PRMT3: variants seen among roughly 807,000 people sequenced by gnomAD.
The protein encoded by PRMT3 is protein arginine N-methyltransferase 3.
A neutral mutation model predicts 71.9 loss-of-function variants in PRMT3; 62 were observed. The observed-to-expected ratio is 0.86, with a 90% CI of 0.70 to 1.07. PRMT3 has a LOEUF of 1.07. PRMT3 is among the 50% of genes least tolerant of loss of function. The pLI, the probability that PRMT3 is intolerant of heterozygous loss-of-function variation, is 0.00. For synonymous variants in PRMT3, 213 were observed against 220.4 expected, an observed-to-expected ratio of 0.97 and a Z score of 0.30; for missense variants, 663 against 643.0, an observed-to-expected ratio of 1.03 and a Z score of -0.34.
At chr11:20,452,270 T>C in intron 11 of PRMT3, 62 bp downstream of exon 11, 1 of 1,326,718 alleles carries the variant, frequency 7.5e-7, no homozygotes, top group Non-Finnish European at 1.1e-6. Flanking sequence ...GATGAACCTT[T>C]GGATTTCAAA....
At chr11:20,440,489 CAAAAAAAAA>C (rs55801324) in intron 10 of PRMT3, among the ~76,000 whole-genome samples, 7 of 115,922 alleles carry the variant, frequency 6.0e-5, no homozygotes, top group East Asian at 2.5e-4. Context: ...ACTAAAAATA[CAAAAAAAAA>C]AAAAAAAAAA....
intron 7 of PRMT3, among the ~76,000 whole-genome samples, chr11:20,398,878 CA>C (rs1848890084): frequency 1.3e-5 from 2 of 152,174 alleles, no homozygotes; most frequent in African/African-American, 4.8e-5. Context: ...ACACATTTCT[CA>C]GAAGTATCCC....
chr11:20,437,383 AG>A (rs1849783064), intron 10 of PRMT3, among the ~76,000 whole-genome samples: 2 of 152,116 alleles, frequency 1.3e-5, no homozygotes, highest in East Asian at 1.9e-4. Context: ...CATCTGGTGG[AG>A]CAGTTGCCTT....
intron 15 of PRMT3, among the ~76,000 whole-genome samples, chr11:20,507,770 A>ACTGT (rs1851626696): frequency 1.7e-5 from 2 of 116,004 alleles, no homozygotes; most frequent in African/African-American, 6.2e-5. Flanking sequence ...ACAGAGAGAG[A>ACTGT]CTGTCTTAAA....
chr11:20,464,190 A>G (rs1167745239), intron 12 of PRMT3, among the ~76,000 whole-genome samples: 1 of 152,180 alleles, frequency 6.6e-6, no homozygotes, highest in Non-Finnish European at 1.5e-5. Context: ...GCACATTAGC[A>G]CTATGATTTG....
chr11:20,496,790 T>A (rs1293586790), intron 15 of PRMT3, among the ~76,000 whole-genome samples: 1 of 152,200 alleles, frequency 6.6e-6, no homozygotes, highest in African/African-American at 2.4e-5. Context: ...ATAGCTTCAG[T>A]TTCACTGTTG....
chr11:20,420,556 T>C (rs1219344800), intron 9 of PRMT3, among the ~76,000 whole-genome samples: 2 of 152,116 alleles, frequency 1.3e-5, no homozygotes, highest in East Asian at 1.9e-4. Flanking sequence ...CAGGCGCTAT[T>C]GTGAACTGCG....
intron 15 of PRMT3, among the ~76,000 whole-genome samples, chr11:20,505,227 C>T (rs1447486738): frequency 1.3e-5 from 2 of 152,132 alleles, no homozygotes; most frequent in East Asian, 3.8e-4. Context: ...CAAATGAAAA[C>T]TTTAATTCCC....
intron 9 of PRMT3, among the ~76,000 whole-genome samples, chr11:20,410,715 T>G (rs1204737489): frequency 6.6e-6 from 1 of 152,114 alleles, no homozygotes; most frequent in Non-Finnish European, 1.5e-5. Flanking sequence ...ATTAATAGTC[T>G]TTGTTTTTAA....
intron 9 of PRMT3, among the ~76,000 whole-genome samples, chr11:20,413,465 C>T (rs1158583687): frequency 6.6e-6 from 1 of 152,106 alleles, no homozygotes; most frequent in Non-Finnish European, 1.5e-5. Context: ...TTGATGGAGT[C>T]TTATCTCATA....
chr11:20,415,682 A>G (rs1565202570), intron 9 of PRMT3, among the ~76,000 whole-genome samples: 1 of 37,182 alleles, frequency 2.7e-5, no homozygotes, highest in South Asian at 1.0e-3. Flanking sequence ...TATTTCCACC[A>G]TGTTGACCAG....
At chr11:20,473,794 C>A (rs1186618083) in intron 13 of PRMT3, among the ~76,000 whole-genome samples, 1 of 151,916 alleles carries the variant, frequency 6.6e-6, no homozygotes, top group Non-Finnish European at 1.5e-5. Context: ...TGTGCCCTTG[C>A]TGGAGAGGTG....
intron 13 of PRMT3, among the ~76,000 whole-genome samples, chr11:20,480,473 G>A (rs193224540): frequency 2.1e-3 from 314 of 152,296 alleles, no homozygotes; most frequent in Non-Finnish European, 3.3e-3. Flanking sequence ...GGATGGCTGG[G>A]ACATGTAGAT....
At chr11:20,478,941 A>G (rs1270065973) in intron 13 of PRMT3, among the ~76,000 whole-genome samples, 1 of 152,230 alleles carries the variant, frequency 6.6e-6, no homozygotes, top group Non-Finnish European at 1.5e-5. Context: ...TACAAAGCTA[A>G]TCAGCTAACG....
At position 20,479,619 on chromosome 11, in the gene PRMT3, A is replaced by AT. The variant is rs537501858; in HGVS notation, c.1348-14299dup. Among the ~76,000 whole-genome samples, 4 of 152,296 alleles carry AT rather than the reference A, an allele frequency of 2.6e-5. No individual in the cohort carries two copies. The South Asian group carries it at 8.3e-4, about 32-fold the overall frequency. On this transcript the variant is annotated intron_variant, in intron 13 of 15. Transcript: ENST00000331079. Reference sequence around the variant, plus strand: ...AGATTAGGTGAAGTATGTGTGCCGAATATAGGTTTGTCAGAGGTTCTCTAA... The same window carrying AT: ...AGATTAGGTGAAGTATGTGTGCCGAATTATAGGTTTGTCAGAGGTTCTCTAA...
chr11:20,439,511 G>A (rs1565212881), intron 10 of PRMT3, among the ~76,000 whole-genome samples: 1 of 152,174 alleles, frequency 6.6e-6, no homozygotes, highest in African/African-American at 2.4e-5. Flanking sequence ...CTGTCTTTGT[G>A]AAAGGGGCAA....
In PRMT3 at chr11:20,397,719, A is replaced by C; in HGVS notation, c.703A>C (p.Lys235Gln). 6.2e-7 allele frequency: 1 copy of C among 1,613,108 alleles called. No homozygotes were observed. Among genetic ancestry groups the C allele is most frequent in the Non-Finnish European group, 8.5e-7 (1 of 1,179,680 alleles). Residue 235 changes from lysine (K) to glutamine (Q), a missense_variant and splice_region_variant, in exon 7 of 16, where the codon AAG becomes CAG. Lys to Gln is a moderately conservative substitution (Grantham distance 53). Coordinates refer to ENST00000331079, the MANE Select transcript of PRMT3 (RefSeq NM_005788.4). The part of the protein sequence containing the change: ...GHYGIHEEML[K>Q]DKIRTESYRD... Reference sequence around the variant, plus strand: ...TTATGGGATACATGAAGAAATGCTAAAGGTTAGAAAAGAACACAAATGCGT... The same window carrying C: ...TTATGGGATACATGAAGAAATGCTACAGGTTAGAAAAGAACACAAATGCGT...
intron 10 of PRMT3, among the ~76,000 whole-genome samples, chr11:20,438,919 G>A (rs1055686632): frequency 1.3e-5 from 2 of 152,124 alleles, no homozygotes; most frequent in Non-Finnish European, 2.9e-5. Context: ...GGTGGGAGAG[G>A]GGTAGGTGGA....
chr11:20,495,005 G>T (rs891057511), intron 15 of PRMT3, among the ~76,000 whole-genome samples: 5 of 152,056 alleles, frequency 3.3e-5, no homozygotes, highest in Non-Finnish European at 7.4e-5. Context: ...GAGGCAGGAG[G>T]ATAACTTGAG....
Sources: allele counts gnomAD v4.1 joint callset (sites outside exome capture counted in the v4.1 genomes callset), GRCh38; gene constraint gnomAD v4.1.1; transcripts MANE v1.5; gene names NCBI Gene and HGNC (gene_info 2026-07-23, HGNC 2026-07-21).